The following GREM1 variants were observed in gnomAD, a reference collection of about 807,000 sequenced individuals.
GREM1 encodes the protein gremlin 1, DAN family BMP antagonist, also known as gremlin-1.
In GREM1, 6 loss-of-function variants were observed where a neutral mutation model predicts 13.1. The ratio of observed to expected loss-of-function variants is 0.46; its 90% CI spans 0.25 to 0.91. The LOEUF is 0.91. GREM1 is among the 40% of genes least tolerant of loss of function. The probability of loss-of-function intolerance (pLI) is 0.18; values close to 1 mark genes in which losing one functional copy is unlikely to be tolerated. For missense variants in GREM1, 185 were observed against 233.9 expected, an observed-to-expected ratio of 0.79 and a Z score of 1.36; for synonymous variants, 98 against 93.7, an observed-to-expected ratio of 1.05 and a Z score of -0.27.
At chr15:32,720,776 C>T (rs2055392632) in intron 1 of GREM1, among the ~76,000 whole-genome samples, 2 of 152,184 alleles carry the variant, frequency 1.3e-5, no homozygotes, top group African/African-American at 4.8e-5. Flanking sequence ...GAAAACATAT[C>T]CATTGACCCA....
At position 32,744,572 on chromosome 15, in the gene GREM1, CAAAAAAA is replaced by C. The variant is rs371256550; in HGVS notation, c.*13339_*13345del. 16 of 86,192 alleles carry C rather than the reference CAAAAAAA, an allele frequency of 1.9e-4. No individual in the cohort carries two copies. Among genetic ancestry groups the C allele is most frequent in the Non-Finnish European group, 3.0e-4 (13 of 43,692 alleles). 5.3% of individuals were successfully genotyped at this position (86,192 alleles called of 1,614,324 possible). A position where few individuals can be genotyped will look rare whatever the true frequency, so the allele number is the denominator to read the frequency against. On this transcript the variant is annotated 3_prime_UTR_variant, in exon 2 of 2. Coordinates refer to ENST00000651154, the MANE Select transcript of GREM1 (RefSeq NM_013372.7). ...TGGGCGACAGAGTGAGACTCAGCTT[CAAAAAAA>C]AAAAAAAAAAAGAAAGTTTCAGATA...
At position 32,731,503 on chromosome 15, in the gene GREM1, T is replaced by C. The variant is rs983369017; in HGVS notation, c.*258T>C. Reference sequence around the variant, plus strand: ...GTAAACATATCTGCTTTAATGGGGATGTACCAGAAACCCACCTCACCCCGG... The same window carrying C: ...GTAAACATATCTGCTTTAATGGGGACGTACCAGAAACCCACCTCACCCCGG... On this transcript the variant is annotated 3_prime_UTR_variant, in exon 2 of 2. Coordinates refer to ENST00000651154, the MANE Select transcript of GREM1 (RefSeq NM_013372.7). 6 of 503,584 alleles carry C rather than the reference T, an allele frequency of 1.2e-5. No individual in the cohort carries two copies. Among genetic ancestry groups the C allele is most frequent in the East Asian group, 3.4e-5 (1 of 29,082 alleles). The allele number at this position is 503,584 out of a possible 1,614,324, so 31.2% of individuals were successfully genotyped here.
intron 1 of GREM1, among the ~76,000 whole-genome samples, chr15:32,729,860 C>T (rs1415801446): frequency 6.6e-6 from 1 of 151,896 alleles, no homozygotes; most frequent in Admixed American, 6.6e-5. Context: ...CAAAGTGATA[C>T]ATTGAGTATC....
At position 32,736,255 on chromosome 15, in the gene GREM1, C is replaced by G. The variant is rs182217001; in HGVS notation, c.*5010C>G. 1 of 152,314 alleles carries G rather than the reference C, an allele frequency of 6.6e-6. No individual in the cohort carries two copies. Among genetic ancestry groups the G allele is most frequent in the Admixed American group, 6.5e-5 (1 of 15,302 alleles). 9.4% of individuals were successfully genotyped at this position (152,314 alleles called of 1,614,324 possible). A position where few individuals can be genotyped will look rare whatever the true frequency, so the allele number is the denominator to read the frequency against. On this transcript the variant is annotated 3_prime_UTR_variant, in exon 2 of 2. Transcript: ENST00000651154. Reference sequence around the variant, plus strand: ...TCAAAACAACTAGAGGCAATTGATTCTCTTTGTGGCTGCCTGGGGTAATGT... The same window carrying G: ...TCAAAACAACTAGAGGCAATTGATTGTCTTTGTGGCTGCCTGGGGTAATGT...
intron 1 of GREM1, among the ~76,000 whole-genome samples, chr15:32,723,307 G>A (rs2055442353): frequency 6.6e-6 from 1 of 152,168 alleles, no homozygotes; most frequent in Non-Finnish European, 1.5e-5. Context: ...AGCAGTCTGG[G>A]GGTGGGGAGA....
Position 32,743,779 on chromosome 15 carries a change from AGTT to A in GREM1, c.*12538_*12540del, listed in dbSNP as rs1239264782. On this transcript the variant is annotated 3_prime_UTR_variant, in exon 2 of 2. Transcript: ENST00000651154. ...TGGGGGCAGGATTTTTTTTTTTCCC[AGTT>A]GTTCTTCAAAATGAAGTTTCCCGCT... 6.6e-6 allele frequency: 1 copy of A among 151,454 alleles called. No homozygotes were observed. Among genetic ancestry groups the A allele is most frequent in the East Asian group, 1.9e-4 (1 of 5,176 alleles). 9.4% of individuals were successfully genotyped at this position (151,454 alleles called of 1,614,324 possible). A position where few individuals can be genotyped will look rare whatever the true frequency, so the allele number is the denominator to read the frequency against.
Position 32,731,908 on chromosome 15 carries a change from T to C in GREM1, c.*663T>C. On this transcript the variant is annotated 3_prime_UTR_variant, in exon 2 of 2. Coordinates refer to ENST00000651154, the MANE Select transcript of GREM1 (RefSeq NM_013372.7). The stretch of plus-strand genomic sequence containing the variant: ...GGATAGTGGAGTGAGAAAGGGAGGG[T>C]GGAGGGTGAGGCCAAATCAGGTCCA... 4.3e-6 allele frequency: 1 copy of C among 230,572 alleles called. No homozygotes were observed. Among genetic ancestry groups the C allele is most frequent in the East Asian group, 6.8e-5 (1 of 14,676 alleles). 14.3% of individuals were successfully genotyped at this position (230,572 alleles called of 1,614,324 possible).
chr15:32,718,515 C>G (rs1567106145), intron 1 of GREM1: 1 of 458,424 alleles, frequency 2.2e-6, no homozygotes, highest in Non-Finnish European at 4.4e-6. Context: ...GCGCGAAGTC[C>G]AGGCCGCCAG....
Position 32,732,823 on chromosome 15 carries a change from AC to A in GREM1, c.*1580del, listed in dbSNP as rs2055644538. The A allele has an allele frequency of 2.2e-5, 5 of 224,294 alleles. No individual in the cohort carries two copies. The South Asian group carries it at 9.4e-4, about 42-fold the overall frequency. 13.9% of individuals were successfully genotyped at this position (224,294 alleles called of 1,614,324 possible). A position where few individuals can be genotyped will look rare whatever the true frequency, so the allele number is the denominator to read the frequency against. On this transcript the variant is annotated 3_prime_UTR_variant, in exon 2 of 2. Transcript: ENST00000651154. ...CTTTATTGTACTTTGGATTTGGTTA[AC>A]CTGTTTTCTTCAAGCCTGAGGTTTT...
rs1260633129 is a variant in GREM1 at position 32,740,717 on chromosome 15, G to A, written c.*9472G>A. 2 of 152,126 alleles carry A rather than the reference G, an allele frequency of 1.3e-5. No individual in the cohort carries two copies. The highest frequency in any genetic ancestry group is 2.9e-5 in the Non-Finnish European group (2 of 68,018). The allele number at this position is 152,126 out of a possible 1,614,324, so 9.4% of individuals were successfully genotyped here. A position where few individuals can be genotyped will look rare whatever the true frequency, so the allele number is the denominator to read the frequency against. On this transcript the variant is annotated 3_prime_UTR_variant, in exon 2 of 2. Transcript: ENST00000651154. ...ACTTCCCAAATATGAGGAAGAAAAT[G>A]AACATTCTGATCCAAGAAGCCCAAA...
rs1567117294 is a variant in GREM1, at chr15:32,737,940, A to AG, written c.*6695_*6696insG. 1 of 143,772 alleles carries AG rather than the reference A, an allele frequency of 7.0e-6. No individual in the cohort carries two copies. The highest frequency in any genetic ancestry group is 1.5e-5 in the Non-Finnish European group (1 of 66,554). The allele number at this position is 143,772 out of a possible 1,614,324, so 8.9% of individuals were successfully genotyped here. On this transcript the variant is annotated 3_prime_UTR_variant, in exon 2 of 2. Transcript: ENST00000651154. ...CAAAACTCTGTCTCAAAAAAAAAAAAAAAAAGAAAAGAAAAACCCACAGCT... is the reference window on the plus strand; with the variant it reads ...CAAAACTCTGTCTCAAAAAAAAAAAAGAAAAAGAAAAGAAAAACCCACAGCT...
rs561906061 is a variant in GREM1 at position 32,732,252 on chromosome 15, C to T, written c.*1007C>T. 4.2e-6 allele frequency: 1 copy of T among 238,680 alleles called. No homozygotes were observed. The highest frequency in any genetic ancestry group is 1.8e-4 in the South Asian group (1 of 5,472). The allele number at this position is 238,680 out of a possible 1,614,324, so 14.8% of individuals were successfully genotyped here. On this transcript the variant is annotated 3_prime_UTR_variant, in exon 2 of 2. Coordinates refer to ENST00000651154, the MANE Select transcript of GREM1 (RefSeq NM_013372.7). ...CATAGGGGTGGGAATTAATCAAAAA[C>T]CTCAGAGGCTGAAATTCCTAATACC...
In GREM1 at chr15:32,738,100, A is replaced by ACC. The variant is rs2055722790; in HGVS notation, c.*6855_*6856insCC. 1.2e-5 allele frequency: 1 copy of ACC among 82,808 alleles called. No homozygotes were observed. The highest frequency in any genetic ancestry group is 2.4e-5 in the Non-Finnish European group (1 of 41,038). 5.1% of individuals were successfully genotyped at this position (82,808 alleles called of 1,614,324 possible). A position where few individuals can be genotyped will look rare whatever the true frequency, so the allele number is the denominator to read the frequency against. On this transcript the variant is annotated 3_prime_UTR_variant, in exon 2 of 2. Transcript: ENST00000651154. Reference sequence around the variant, plus strand: ...TAATTAGGCAAAAAAAAAAAAAAAAAAAAAAAAAAAAAAAAAAAAAAAAAA... The same window carrying ACC: ...TAATTAGGCAAAAAAAAAAAAAAAAACCAAAAAAAAAAAAAAAAAAAAAAAAA...
At position 32,742,863 on chromosome 15, in the gene GREM1, T is replaced by A. The variant is rs2055773575; in HGVS notation, c.*11618T>A. ...ATTGGACCCTATCTTATACCAAAAA[T>A]CAACTCAAAATGGATTATTTAAATG... On this transcript the variant is annotated 3_prime_UTR_variant, in exon 2 of 2. Transcript: ENST00000651154. The A allele has an allele frequency of 6.6e-6, 1 of 152,138 alleles. No individual in the cohort carries two copies. The highest frequency in any genetic ancestry group is 2.4e-5 in the African/African-American group (1 of 41,434). The allele number at this position is 152,138 out of a possible 1,614,324, so 9.4% of individuals were successfully genotyped here.
Position 32,743,008 on chromosome 15 carries a change from A to G in GREM1, c.*11763A>G, listed in dbSNP as rs1193861729. 6.6e-6 allele frequency: 1 copy of G among 152,212 alleles called. No individual in the cohort carries two copies. Among genetic ancestry groups the G allele is most frequent in the Non-Finnish European group, 1.5e-5 (1 of 68,028 alleles). 9.4% of individuals were successfully genotyped at this position (152,212 alleles called of 1,614,324 possible). A position where few individuals can be genotyped will look rare whatever the true frequency, so the allele number is the denominator to read the frequency against. On this transcript the variant is annotated 3_prime_UTR_variant, in exon 2 of 2. Transcript: ENST00000651154. ...GCACAGGTAATAAAAACAAAAATAG[A>G]CAAATGGGACTACCTCAAATTAAAA...
At position 32,739,303 on chromosome 15, in the gene GREM1, C is replaced by T. The variant is rs1280250439; in HGVS notation, c.*8058C>T. ...ATTTTAATCTTTTTCTGTACCACTA[C>T]AGTTATAATTCTCCTAAAGCTTAAA... On this transcript the variant is annotated 3_prime_UTR_variant, in exon 2 of 2. Transcript: ENST00000651154. 6.6e-6 allele frequency: 1 copy of T among 152,190 alleles called. No homozygotes were observed. Among genetic ancestry groups the T allele is most frequent in the Non-Finnish European group, 1.5e-5 (1 of 68,030 alleles). The allele number at this position is 152,190 out of a possible 1,614,324, so 9.4% of individuals were successfully genotyped here.
Position 32,738,124 on chromosome 15 carries a change from A to G in GREM1, c.*6879A>G, listed in dbSNP as rs1192532484. 4 of 141,358 alleles carry G rather than the reference A, an allele frequency of 2.8e-5. 1 individual carries two copies. The highest frequency in any genetic ancestry group is 1.1e-4 in the African/African-American group (4 of 37,916). 8.8% of individuals were successfully genotyped at this position (141,358 alleles called of 1,614,324 possible). On this transcript the variant is annotated 3_prime_UTR_variant, in exon 2 of 2. Coordinates refer to ENST00000651154, the MANE Select transcript of GREM1 (RefSeq NM_013372.7). ...AAAAAAAAAAAAAAAAAAAAAAAAA[A>G]AAAAAAAAAGAAAAGAAAAAAGTCA... is the stretch of plus-strand genomic sequence containing the variant.
rs2055648221 is a variant in GREM1 at position 32,733,055 on chromosome 15, A to G, written c.*1810A>G. ...GTGCTCTCCCATCTAACAACTAAAC[A>G]GGAGCCATTTCAAGGCGGGAGATAT... On this transcript the variant is annotated 3_prime_UTR_variant, in exon 2 of 2. Transcript: ENST00000651154. 8.7e-6 allele frequency: 2 copies of G among 230,236 alleles called. No homozygotes were observed. Among genetic ancestry groups the G allele is most frequent in the Admixed American group, 5.8e-5 (1 of 17,120 alleles). The allele number at this position is 230,236 out of a possible 1,614,324, so 14.3% of individuals were successfully genotyped here.
intron 1 of GREM1, among the ~76,000 whole-genome samples, chr15:32,721,556 C>A (rs1212885267): frequency 6.6e-6 from 1 of 152,088 alleles, no homozygotes; most frequent in East Asian, 1.9e-4. Context: ...GAGTTTGAGA[C>A]CAGCCTGGCC....
Sources: allele counts gnomAD v4.1 joint callset (sites outside exome capture counted in the v4.1 genomes callset), GRCh38; gene constraint gnomAD v4.1.1; transcripts MANE v1.5; gene names NCBI Gene and HGNC (gene_info 2026-07-23, HGNC 2026-07-21).